CFAP221: variants seen among roughly 807,000 people sequenced by gnomAD.
The protein encoded by CFAP221 is cilia- and flagella-associated protein 221.
CFAP221 carries 97 observed loss-of-function variants against 113.1 expected under a neutral mutation model. The ratio of observed to expected loss-of-function variants is 0.86; its 90% CI spans 0.73 to 1.02. The LOEUF is 1.02. Ranked by LOEUF, CFAP221 falls within the 50% of genes least tolerant of loss-of-function variation. CFAP221 has a pLI of 0.00. For synonymous variants in CFAP221, 331 were observed against 354.4 expected, an observed-to-expected ratio of 0.93 and a Z score of 0.74; for missense variants, 1,025 against 1,013.4, an observed-to-expected ratio of 1.01 and a Z score of -0.16.
intron 6 of CFAP221, among the ~76,000 whole-genome samples, chr2:119,575,931 TTTAA>T (rs1235312385): frequency 6.6e-6 from 1 of 152,200 alleles, no homozygotes; most frequent in Non-Finnish European, 1.5e-5. Flanking sequence ...GGTGGCCTTA[TTTAA>T]TTCAGTTTGT....
chr2:119,625,455 C>A, intron 14 of CFAP221, 128 bp from the exon 15 acceptor site: 1 of 769,236 alleles, frequency 1.3e-6, no homozygotes, highest in Non-Finnish European at 2.1e-6. Flanking sequence ...ATGCCACACT[C>A]CCTGTGGACT....
chr2:119,590,626 C>A (rs1256457900), intron 7 of CFAP221, among the ~76,000 whole-genome samples: 1 of 152,260 alleles, frequency 6.6e-6, no homozygotes, highest in Non-Finnish European at 1.5e-5. Context: ...CACCCACTTA[C>A]ATTTCAAAAG....
At chr2:119,601,093 G>A in intron 7 of CFAP221, 125 bp from the exon 8 acceptor site, 1 of 958,162 alleles carries the variant, frequency 1.0e-6, no homozygotes, top group Non-Finnish European at 1.4e-6. Context: ...TTTCAATTGT[G>A]TGGGGAGTCA....
chr2:119,602,580 A>ATT, intron 8 of CFAP221: 1 of 968,388 alleles, frequency 1.0e-6, no homozygotes, highest in Middle Eastern at 5.3e-4. Flanking sequence ...GATATCTTAG[A>ATT]TATTTATATC....
In CFAP221 at chr2:119,615,242, A is replaced by G. The variant is rs139960308; in HGVS notation, c.1312-369A>G. The stretch of plus-strand genomic sequence containing the variant: ...AGCGCTGGGCATGCAGGGCTGAGTA[A>G]AGTAGTCCTACCCAGCCAGGGGATC... On this transcript the variant is annotated intron_variant, in intron 13 of 23. Transcript: ENST00000413369. 3.5e-3 allele frequency among the ~76,000 whole-genome samples: 536 copies of G among 152,328 alleles called. 5 individuals carry two copies. The highest frequency in any genetic ancestry group is 0.012 in the African/African-American group (503 of 41,580).
intron 19 of CFAP221, chr2:119,631,144 T>A: frequency 9.8e-7 from 1 of 1,020,782 alleles, no homozygotes; most frequent in South Asian, 3.6e-5. Context: ...ATATCTATAA[T>A]ATGTACATAT....
At chr2:119,654,676 A>G (rs1317281971) in intron 23 of CFAP221, among the ~76,000 whole-genome samples, 1 of 152,184 alleles carries the variant, frequency 6.6e-6, no homozygotes, top group Non-Finnish European at 1.5e-5. Flanking sequence ...AACTATAAAC[A>G]TTTTCTGCAC....
At chr2:119,640,746 C>G (rs1687434971) in intron 21 of CFAP221, among the ~76,000 whole-genome samples, 1 of 152,210 alleles carries the variant, frequency 6.6e-6, no homozygotes, top group African/African-American at 2.4e-5. Flanking sequence ...CTGCCACCAA[C>G]CAAGATCAGT....
chr2:119,559,886 C>T (rs1482852238), intron 4 of CFAP221, 42 bp from the exon 5 acceptor site: 50 of 1,499,224 alleles, frequency 3.3e-5, no homozygotes, highest in East Asian at 4.9e-5. Context: ...GCTCTCTGTG[C>T]AGTCCGGGGC....
intron 6 of CFAP221, among the ~76,000 whole-genome samples, chr2:119,583,255 A>T (rs1190808672): frequency 2.0e-5 from 3 of 152,184 alleles, no homozygotes; most frequent in Non-Finnish European, 4.4e-5. Context: ...GTAAAAAATT[A>T]AAGTATTTCC....
chr2:119,558,913 T>G (rs560802235), intron 3 of CFAP221, among the ~76,000 whole-genome samples: 2 of 152,132 alleles, frequency 1.3e-5, no homozygotes, highest in African/African-American at 2.4e-5. Context: ...AAAGTCTAAT[T>G]TAGGGCATTG....
rs1380750608 is a variant in CFAP221, at chr2:119,630,903, T to A, written c.1974+2T>A. The stretch of plus-strand genomic sequence containing the variant: ...GATTATGATCCTCTGTATGTTTTTG[T>A]AAGTGACAACTGGCAGAAGCCTTGT... On this transcript the variant is annotated splice_donor_variant, in intron 19 of 23. Transcript: ENST00000413369. LOFTEE classifies it high-confidence loss of function. 6.2e-7 allele frequency: 1 copy of A among 1,611,474 alleles called. No individual in the cohort carries two copies. The highest frequency in any genetic ancestry group is 1.7e-5 in the Admixed American group (1 of 59,988).
chr2:119,593,849 A>G (rs936866691), intron 7 of CFAP221, among the ~76,000 whole-genome samples: 1 of 151,748 alleles, frequency 6.6e-6, no homozygotes, highest in African/African-American at 2.4e-5. Flanking sequence ...AAAAAAAAAC[A>G]AAACGAAACA....
chr2:119,559,988 T>A lies in CFAP221; in HGVS notation c.388T>A (p.Trp130Arg). Reference sequence around the variant, plus strand: ...CACCGTTACATTTTCTCCAGATGAGTGGCGATACTATTATGACTGCATCCG... The same window carrying A: ...CACCGTTACATTTTCTCCAGATGAGAGGCGATACTATTATGACTGCATCCG... ...TVTVTFSPDEWRYYYDCIRVH... is the reference protein window; with the variant it reads ...TVTVTFSPDERRYYYDCIRVH... The change falls in exon 5 of 24, where the codon TGG becomes AGG. Residue 130 changes from tryptophan (W) to arginine (R), a missense_variant. By Grantham distance (101) the Trp-to-Arg change is moderately radical (BLOSUM62 -3). Transcript: ENST00000413369. 3.9e-6 allele frequency: 6 copies of A among 1,533,394 alleles called. No homozygotes were observed. The highest frequency in any genetic ancestry group is 5.2e-6 in the Non-Finnish European group (6 of 1,146,132). 95.0% of individuals were successfully genotyped at this position (1,533,394 alleles called of 1,614,324 possible). A position where few individuals can be genotyped will look rare whatever the true frequency, so the allele number is the denominator to read the frequency against.
chr2:119,582,953 T>C lies in CFAP221; in HGVS notation c.528-4166T>C, dbSNP rs142400302. The stretch of plus-strand genomic sequence containing the variant: ...GGTGGTAGAAATAAGTTCAAATATA[T>C]CTATTATTAATTGTAACAAATGAAA... On this transcript the variant is annotated intron_variant, in intron 6 of 23. Coordinates refer to ENST00000413369, the MANE Select transcript of CFAP221 (RefSeq NM_001271049.2). 1.6e-4 allele frequency among the ~76,000 whole-genome samples: 24 copies of C among 152,258 alleles called. No homozygotes were observed. In the East Asian group the frequency reaches 3.9e-3, roughly 24 times the overall value.
chr2:119,549,309 AGAAAGGTAG>A lies in CFAP221; in HGVS notation c.240+125_240+133del, dbSNP rs1680264950. The A allele has an allele frequency of 5.5e-6, 4 of 729,584 alleles. No individual in the cohort carries two copies. The Middle Eastern group carries it at 1.1e-3, about 194-fold the overall frequency. 45.2% of individuals were successfully genotyped at this position (729,584 alleles called of 1,614,324 possible). ...CCGTAGTGCAAGAGTAAATTGGGCC[AGAAAGGTAG>A]TTCTATGATGAGAAACTTTAAGGTT... On this transcript the variant is annotated intron_variant, in intron 3 of 23. Coordinates refer to ENST00000413369, the MANE Select transcript of CFAP221 (RefSeq NM_001271049.2).
intron 16 of CFAP221, among the ~76,000 whole-genome samples, chr2:119,629,286 G>A (rs1300509417): frequency 6.6e-6 from 1 of 152,216 alleles, no homozygotes; most frequent in African/African-American, 2.4e-5. Context: ...GTATTAGGCA[G>A]TTCTTCGGGG....
chr2:119,616,365 A>C (rs186005714), intron 14 of CFAP221, among the ~76,000 whole-genome samples: 86 of 152,290 alleles, frequency 5.6e-4, no homozygotes, highest in African/African-American at 2.0e-3. Flanking sequence ...TGAAAGTTTC[A>C]GTTGTTTTCA....
chr2:119,653,789 CTGGACAACA>C (rs1275708209), intron 23 of CFAP221, among the ~76,000 whole-genome samples: 2 of 152,164 alleles, frequency 1.3e-5, no homozygotes, highest in South Asian at 2.1e-4. Flanking sequence ...TTCAAATGCC[CTGGACAACA>C]TGGAATAGTG....
Sources: allele counts gnomAD v4.1 joint callset (sites outside exome capture counted in the v4.1 genomes callset), GRCh38; gene constraint gnomAD v4.1.1; transcripts MANE v1.5; gene names NCBI Gene and HGNC (gene_info 2026-07-23, HGNC 2026-07-21).